Variants in NEBL observed in about 807,000 individuals in gnomAD.
The protein encoded by NEBL is LIM and SH3 protein 2.
Under a neutral mutation model 140.2 loss-of-function variants are expected in NEBL, and 122 were observed. The ratio of observed to expected loss-of-function variants is 0.87; its 90% CI spans 0.75 to 1.01. NEBL has a LOEUF of 1.01. NEBL is among the 50% of genes least tolerant of loss of function. NEBL has a pLI of 0.00. For synonymous variants in NEBL, 436 were observed against 398.9 expected, an observed-to-expected ratio of 1.09 and a Z score of -1.11; for missense variants, 1,365 against 1,231.3, an observed-to-expected ratio of 1.11 and a Z score of -1.62.
chr10:21,166,078 G>A (rs1443673742), intron 2 of NEBL, among the ~76,000 whole-genome samples: 2 of 151,170 alleles, frequency 1.3e-5, no homozygotes, highest in African/African-American at 4.9e-5. Context: ...AAATTAGCCG[G>A]GCCTGGTGGC....
intron 20 of NEBL, chr10:20,819,036 C>A: frequency 9.8e-7 from 1 of 1,021,620 alleles, no homozygotes; most frequent in Non-Finnish European, 1.2e-6. Flanking sequence ...TATGATTCAT[C>A]CATATAATTG....
chr10:21,159,201 C>T (rs1394176538), intron 2 of NEBL, among the ~76,000 whole-genome samples: 1 of 152,108 alleles, frequency 6.6e-6, no homozygotes, highest in Non-Finnish European at 1.5e-5. Flanking sequence ...AGTCTTCTAT[C>T]TCACTTGAGC....
chr10:20,917,255 C>A (rs1331595086), intron 4 of NEBL, among the ~76,000 whole-genome samples: 5 of 152,148 alleles, frequency 3.3e-5, no homozygotes, highest in Non-Finnish European at 7.4e-5. Context: ...ATGTTACAGG[C>A]AAAACACTGT....
chr10:20,904,403 G>A (rs1167805011), intron 4 of NEBL, among the ~76,000 whole-genome samples: 1 of 152,152 alleles, frequency 6.6e-6, no homozygotes, highest in African/African-American at 2.4e-5. Context: ...ACGTGTTTAT[G>A]TTTTATGAGA....
intron 2 of NEBL, among the ~76,000 whole-genome samples, chr10:21,097,190 C>A (rs1037516731): frequency 1.5e-5 from 2 of 134,188 alleles, no homozygotes; most frequent in Non-Finnish European, 3.1e-5. Flanking sequence ...CGGTGGCTCA[C>A]GCCTGTAATC....
At chr10:20,911,484 A>C (rs1196168921) in intron 4 of NEBL, among the ~76,000 whole-genome samples, 2 of 152,206 alleles carry the variant, frequency 1.3e-5, no homozygotes, top group African/African-American at 4.8e-5. Flanking sequence ...GGTATGCCTG[A>C]ATGGCCAATA....
chr10:20,826,417 A>G (rs759946774), intron 18 of NEBL, 30 bp downstream of exon 18: 1 of 1,553,080 alleles, frequency 6.4e-7, no homozygotes, highest in Non-Finnish European at 8.9e-7. Context: ...TTGCTTTTAG[A>G]AAAGATAATT....
intron 1 of NEBL, among the ~76,000 whole-genome samples, chr10:21,255,758 G>T (rs950488092): frequency 6.6e-6 from 1 of 152,066 alleles, no homozygotes; most frequent in Non-Finnish European, 1.5e-5. Flanking sequence ...AACACTTTGG[G>T]AGGCCAAGGT....
Position 20,824,541 on chromosome 10 carries a change from C to T in NEBL, c.1870-1241G>A, listed in dbSNP as rs577758314. Among the ~76,000 whole-genome samples the T allele has an allele frequency of 5.9e-5, 9 of 152,240 alleles. No individual in the cohort carries two copies. In the East Asian group the frequency reaches 9.6e-4, roughly 16 times the overall value. ...CTTGTACTCTGGAGGTGGAAAATGT[C>T]GAGATCTTTAAATGTTAGAGAATCA... On this transcript the variant is annotated intron_variant, in intron 18 of 27. Coordinates refer to ENST00000377122, the MANE Select transcript of NEBL (RefSeq NM_006393.3).
intron 3 of NEBL, among the ~76,000 whole-genome samples, chr10:20,978,716 C>A (rs56262080): frequency 0.099 from 14,976 of 151,408 alleles, 1,439 homozygotes; most frequent in African/African-American, 0.26. Flanking sequence ...GATTGTGCCA[C>A]TGCACTCCAG....
At chr10:20,969,315 T>A (rs539101530) in intron 3 of NEBL, among the ~76,000 whole-genome samples, 1 of 152,030 alleles carries the variant, frequency 6.6e-6, no homozygotes, top group Non-Finnish European at 1.5e-5. Flanking sequence ...TTTTTAAACA[T>A]AATTAAAAAG....
chr10:20,954,603 AG>A (rs910984630), intron 4 of NEBL, among the ~76,000 whole-genome samples: 11 of 152,186 alleles, frequency 7.2e-5, no homozygotes, highest in Non-Finnish European at 8.8e-5. Flanking sequence ...AAGGAAGAAA[AG>A]GGGGAAACAG....
rs114918858 is a variant in NEBL, at chr10:20,897,195, G to A, written c.11C>T (p.Pro4Leu). MRV[P>L]VFEDIKDETE... is the part of the protein sequence containing the mutation. ...TTCATCTTTTATATCCTCAAATACAGGGACCCTCATTTTTACCCTTTAAAA... is the reference window on the plus strand; with the variant it reads ...TTCATCTTTTATATCCTCAAATACAAGGACCCTCATTTTTACCCTTTAAAA... The change falls in exon 1 of 28, where the codon CCT becomes CTT. Residue 4 changes from proline (P) to leucine (L), a missense_variant. Coordinates refer to ENST00000377122, the MANE Select transcript of NEBL (RefSeq NM_006393.3). 1,345 of 1,595,888 alleles carry A rather than the reference G, an allele frequency of 8.4e-4. 14 individuals are homozygous for A. The African/African-American group carries it at 0.016, about 19-fold the overall frequency.
intron 3 of NEBL, among the ~76,000 whole-genome samples, chr10:20,963,924 C>T (rs1027385230): frequency 6.6e-6 from 1 of 152,188 alleles, no homozygotes; most frequent in African/African-American, 2.4e-5. Context: ...AGCACCAGCC[C>T]ACCAGTATTT....
intron 4 of NEBL, among the ~76,000 whole-genome samples, chr10:20,904,176 A>G (rs1479128949): frequency 2.4e-4 from 37 of 152,184 alleles, no homozygotes. Flanking sequence ...CTGAAACCTC[A>G]GAAAGGAAAA....
intron 4 of NEBL, among the ~76,000 whole-genome samples, chr10:20,904,550 T>C (rs952680557): frequency 1.3e-5 from 2 of 152,240 alleles, no homozygotes; most frequent in Non-Finnish European, 2.9e-5. Context: ...GAAATTTAGC[T>C]GTAAAAATTT....
intron 2 of NEBL, among the ~76,000 whole-genome samples, chr10:21,120,424 A>ATATATATATATATATATATATAT (rs58547343): frequency 7.5e-6 from 1 of 133,504 alleles, no homozygotes; most frequent in Non-Finnish European, 1.6e-5. Context: ...ATATATATAT[A>ATATATATATATATATATATATAT]AATTTGATCA....
intron 3 of NEBL, among the ~76,000 whole-genome samples, chr10:21,018,976 G>A (rs1021481556): frequency 2.0e-5 from 3 of 152,182 alleles, no homozygotes; most frequent in African/African-American, 2.4e-5. Flanking sequence ...GCAGTGAGCC[G>A]AGACGGCACC....
intron 3 of NEBL, among the ~76,000 whole-genome samples, chr10:21,217,495 C>A (rs988381193): frequency 2.6e-4 from 39 of 148,428 alleles, no homozygotes; most frequent in African/African-American, 9.9e-4. Context: ...CTAAATACGA[C>A]TGGCTTCCAA....
Sources: gnomAD v4.1 joint callset for allele counts (sites outside exome capture counted in the v4.1 genomes callset) on GRCh38, gnomAD v4.1.1 for gene constraint, MANE v1.5 for transcripts, NCBI Gene and HGNC (gene_info 2026-07-23, HGNC 2026-07-21) for gene names.